TSPAN5: variants seen among roughly 807,000 people sequenced by gnomAD.
The protein encoded by TSPAN5 is tetraspanin-5.
In TSPAN5, 10 loss-of-function variants were observed where a neutral mutation model predicts 37.1. The ratio of observed to expected loss-of-function variants is 0.27; its 90% CI spans 0.17 to 0.46. TSPAN5 has a LOEUF of 0.46. Ranked by LOEUF, TSPAN5 falls within the 20% of genes least tolerant of loss-of-function variation. The probability of loss-of-function intolerance (pLI) is 1.00; values close to 1 mark genes in which losing one functional copy is unlikely to be tolerated. For synonymous variants in TSPAN5, 110 were observed against 118.9 expected (o/e 0.93, Z 0.48); for missense variants, 195 against 326.6 (o/e 0.60, Z 3.11).
chr4:98,542,088 T>G (rs1754371716), intron 1 of TSPAN5, among the ~76,000 whole-genome samples: 1 of 152,194 alleles, frequency 6.6e-6, no homozygotes, highest in Non-Finnish European at 1.5e-5. Flanking sequence ...TCTCTGTACA[T>G]AACTTCCCTC....
At chr4:98,587,099 G>A (rs539038113) in intron 1 of TSPAN5, among the ~76,000 whole-genome samples, 212 of 152,316 alleles carry the variant, frequency 1.4e-3, no homozygotes, top group African/African-American at 4.9e-3. Flanking sequence ...AGCATGCAGC[G>A]CAGCCATCAC....
rs768635692 is a variant in TSPAN5 at position 98,472,305 on chromosome 4, T to A, written c.*217A>T. 5.0e-5 allele frequency: 22 copies of A among 444,326 alleles called. No individual in the cohort carries two copies. The highest frequency in any genetic ancestry group is 7.5e-5 in the Non-Finnish European group (19 of 251,992). The allele number at this position is 444,326 out of a possible 1,614,324, so 27.5% of individuals were successfully genotyped here. A position where few individuals can be genotyped will look rare whatever the true frequency, so the allele number is the denominator to read the frequency against. Reference sequence around the variant, plus strand: ...ATAAATTCATGGCTACAGTAGAGATTCACGGCGCAACGACTTTCATACTGG... The same window carrying A: ...ATAAATTCATGGCTACAGTAGAGATACACGGCGCAACGACTTTCATACTGG... On this transcript the variant is annotated 3_prime_UTR_variant, in exon 8 of 8. Coordinates refer to ENST00000305798, the MANE Select transcript of TSPAN5 (RefSeq NM_005723.4).
At chr4:98,586,352 T>C (rs1341106694) in intron 1 of TSPAN5, among the ~76,000 whole-genome samples, 2 of 152,196 alleles carry the variant, frequency 1.3e-5, no homozygotes, top group African/African-American at 4.8e-5. Context: ...ATCTAACCTT[T>C]CCCCATTAAC....
chr4:98,482,258 G>A, intron 3 of TSPAN5, 83 bp from the exon 4 acceptor site: 1 of 1,264,476 alleles, frequency 7.9e-7, no homozygotes, highest in Non-Finnish European at 1.1e-6. Context: ...CTCTAAACAG[G>A]TTTGTAATTA....
At chr4:98,640,245 C>T (rs1195776491) in intron 1 of TSPAN5, among the ~76,000 whole-genome samples, 1 of 152,128 alleles carries the variant, frequency 6.6e-6, no homozygotes, top group African/African-American at 2.4e-5. Context: ...TATTTTTACA[C>T]ATTACAAATT....
At chr4:98,605,012 T>G (rs970698981) in intron 1 of TSPAN5, among the ~76,000 whole-genome samples, 1 of 152,310 alleles carries the variant, frequency 6.6e-6, no homozygotes. Flanking sequence ...TCGCTCTACA[T>G]TTTAAATTAT....
rs1267689676 is a variant in TSPAN5, at chr4:98,626,052, AACATGTTGTTCAAGGACCATCC to A, written c.81+32072_81+32093del. On this transcript the variant is annotated intron_variant, in intron 1 of 7. Coordinates refer to ENST00000305798, the MANE Select transcript of TSPAN5 (RefSeq NM_005723.4). ...ACTTGTTACTATATTTATCAACATC[AACATGTTGTTCAAGGACCATCC>A]ACATGAGAATCACCTGGGGCTGGCT... is the stretch of plus-strand genomic sequence containing the variant. Among the ~76,000 whole-genome samples, 16 of 152,226 alleles carry A rather than the reference AACATGTTGTTCAAGGACCATCC, an allele frequency of 1.1e-4. 1 individual carries two copies. The highest frequency in any genetic ancestry group is 6.5e-5 in the Admixed American group (1 of 15,290).
At chr4:98,568,883 T>C (rs976119030) in intron 1 of TSPAN5, among the ~76,000 whole-genome samples, 5 of 152,178 alleles carry the variant, frequency 3.3e-5, no homozygotes, top group African/African-American at 7.2e-5. Context: ...GGAAAGCAGA[T>C]AGTCAAAGAG....
intron 1 of TSPAN5, among the ~76,000 whole-genome samples, chr4:98,535,617 T>C (rs1188248257): frequency 6.6e-6 from 1 of 152,234 alleles, no homozygotes; most frequent in Non-Finnish European, 1.5e-5. Flanking sequence ...GATAATATCC[T>C]GGAGAGTGTT....
intron 1 of TSPAN5, among the ~76,000 whole-genome samples, chr4:98,558,098 G>C (rs1458082383): frequency 6.6e-6 from 1 of 152,170 alleles, no homozygotes; most frequent in Non-Finnish European, 1.5e-5. Flanking sequence ...CTCATTAGTT[G>C]TAACAAATGC....
rs1752858265 is a variant in TSPAN5 at position 98,482,329 on chromosome 4, G to T, written c.280-154C>A. The T allele has an allele frequency of 2.4e-5, 15 of 626,872 alleles. 1 individual carries two copies. Among genetic ancestry groups the T allele is most frequent in the Non-Finnish European group, 3.9e-5 (15 of 379,820 alleles). The allele number at this position is 626,872 out of a possible 1,614,324, so 38.8% of individuals were successfully genotyped here. A position where few individuals can be genotyped will look rare whatever the true frequency, so the allele number is the denominator to read the frequency against. On this transcript the variant is annotated intron_variant, in intron 3 of 7. Coordinates refer to ENST00000305798, the MANE Select transcript of TSPAN5 (RefSeq NM_005723.4). ...TTCAGTTTCTGCTGATTCATTAATAGAATATTACACTCCAAGAAAGGACTT... is the reference window on the plus strand; with the variant it reads ...TTCAGTTTCTGCTGATTCATTAATATAATATTACACTCCAAGAAAGGACTT...
At chr4:98,569,410 C>T (rs1372216422) in intron 1 of TSPAN5, among the ~76,000 whole-genome samples, 1 of 152,196 alleles carries the variant, frequency 6.6e-6, no homozygotes, top group Non-Finnish European at 1.5e-5. Context: ...TCCACTGGAA[C>T]ACACCGCCCT....
intron 1 of TSPAN5, among the ~76,000 whole-genome samples, chr4:98,609,990 C>T (rs936303956): frequency 4.6e-5 from 7 of 152,174 alleles, no homozygotes; most frequent in Admixed American, 2.6e-4. Flanking sequence ...TAATATAATT[C>T]GCAGAGGCAT....
At chr4:98,592,785 G>C (rs1032047685) in intron 1 of TSPAN5, among the ~76,000 whole-genome samples, 3 of 151,060 alleles carry the variant, frequency 2.0e-5, no homozygotes, top group African/African-American at 7.3e-5. Flanking sequence ...TTTTATGGCT[G>C]CACAGTATTC....
intron 1 of TSPAN5, among the ~76,000 whole-genome samples, chr4:98,633,610 C>T (rs1243463973): frequency 6.6e-6 from 1 of 152,082 alleles, no homozygotes; most frequent in African/African-American, 2.4e-5. Flanking sequence ...TCAGCACTCA[C>T]CCTTTGAGAA....
chr4:98,567,148 G>C (rs1755022651), intron 1 of TSPAN5, among the ~76,000 whole-genome samples: 1 of 152,196 alleles, frequency 6.6e-6, no homozygotes, highest in Non-Finnish European at 1.5e-5. Flanking sequence ...TCCATCAACA[G>C]ACTGGATCTT....
chr4:98,640,006 G>C (rs1191311941), intron 1 of TSPAN5, among the ~76,000 whole-genome samples: 1 of 152,070 alleles, frequency 6.6e-6, no homozygotes, highest in Non-Finnish European at 1.5e-5. Flanking sequence ...GGGAAGGGAG[G>C]GAGCTTTCCT....
At chr4:98,602,922 GA>G (rs1755915996) in intron 1 of TSPAN5, among the ~76,000 whole-genome samples, 6 of 152,176 alleles carry the variant, frequency 3.9e-5, no homozygotes, top group Admixed American at 3.9e-4. Context: ...TAATAGCAAT[GA>G]AAAAGTTTGG....
At chr4:98,520,813 T>C (rs770201273) in intron 1 of TSPAN5, among the ~76,000 whole-genome samples, 34 of 152,190 alleles carry the variant, frequency 2.2e-4, no homozygotes, top group Non-Finnish European at 4.6e-4. Flanking sequence ...CTGTGTCATC[T>C]GGTACCTGCA....
Sources: gnomAD v4.1 joint callset for allele counts (sites outside exome capture counted in the v4.1 genomes callset) on GRCh38, gnomAD v4.1.1 for gene constraint, MANE v1.5 for transcripts, NCBI Gene and HGNC (gene_info 2026-07-23, HGNC 2026-07-21) for gene names.